TTYH3: variants seen among roughly 807,000 people sequenced by gnomAD.
TTYH3 encodes tweety family member 3.
A neutral mutation model predicts 68.2 loss-of-function variants in TTYH3; 23 were observed. That is an observed-to-expected ratio of 0.34 (90% confidence interval 0.24 to 0.48). The LOEUF is 0.48. TTYH3 is among the 20% of genes least tolerant of loss of function. The probability of loss-of-function intolerance (pLI) is 0.99; values close to 1 mark genes in which losing one functional copy is unlikely to be tolerated. For missense variants in TTYH3, 768 were observed against 727.7 expected (o/e 1.06, Z -0.64); for synonymous variants, 360 against 332.8 (o/e 1.08, Z -0.89).
chr7:2,660,104 C>T lies in TTYH3; in HGVS notation c.1500+1089C>T. ...GCCTGCGCCTCCCGCCTCCACCCTG[C>T]ACTCACTGCCGCCCTCCCGTCGGCA... is the stretch of plus-strand genomic sequence containing the variant. On this transcript the variant is annotated intron_variant, in intron 13 of 13. Coordinates refer to ENST00000258796, the MANE Select transcript of TTYH3 (RefSeq NM_025250.3). 3.2e-6 allele frequency: 4 copies of T among 1,256,576 alleles called. No individual in the cohort carries two copies. In the South Asian group the frequency reaches 4.0e-5, roughly 13 times the overall value. 77.8% of individuals were successfully genotyped at this position (1,256,576 alleles called of 1,614,324 possible).
chr7:2,643,802 C>T (rs1049266746), intron 1 of TTYH3, among the ~76,000 whole-genome samples: 14 of 118,850 alleles, frequency 1.2e-4, no homozygotes, highest in South Asian at 2.5e-4. Context: ...CCGGTGGCTG[C>T]GGAGGTCACA....
chr7:2,656,093 AC>A lies in TTYH3; in HGVS notation c.1027del (p.Leu343SerfsTer8). The A allele has an allele frequency of 1.3e-6, 2 of 1,546,302 alleles. No homozygotes were observed. Among genetic ancestry groups the A allele is most frequent in the Non-Finnish European group, 1.8e-6 (2 of 1,142,068 alleles). ...CCATCTGCGGTGCGTGCCCCCCAGG[AC>A]CCCCTCCTCCGCGTCCAGGAGGTGC... Reference protein sequence around the residue: ...TVPWEQPATKDPLLRVQEVLN... With the variant: ...TVPWEQPATKXPLLRVQEVLN... On this transcript the variant is annotated frameshift_variant and splice_region_variant, in exon 10 of 14. Transcript: ENST00000258796. LOFTEE classifies it high-confidence loss of function.
Position 2,663,369 on chromosome 7 carries a change from C to A in TTYH3, c.*1630C>A, listed in dbSNP as rs1786542866. On this transcript the variant is annotated 3_prime_UTR_variant, in exon 14 of 14. Coordinates refer to ENST00000258796, the MANE Select transcript of TTYH3 (RefSeq NM_025250.3). ...TGGGGCCAGGCTCTGCCCTGGCCTTCCTCTGTGAACCCCTCCTTTCTTTGT... is the reference window on the plus strand; with the variant it reads ...TGGGGCCAGGCTCTGCCCTGGCCTTACTCTGTGAACCCCTCCTTTCTTTGT... The A allele has an allele frequency of 6.5e-6, 1 of 152,836 alleles. No homozygotes were observed. 9.5% of individuals were successfully genotyped at this position (152,836 alleles called of 1,614,324 possible). A position where few individuals can be genotyped will look rare whatever the true frequency, so the allele number is the denominator to read the frequency against.
At chr7:2,659,931 C>A in intron 13 of TTYH3, 1 of 1,302,162 alleles carries the variant, frequency 7.7e-7, no homozygotes, top group South Asian at 1.2e-5. Flanking sequence ...CCACCCCGGG[C>A]CCTCCTAGCG....
chr7:2,649,507 A>T lies in TTYH3; in HGVS notation c.723-60A>T, dbSNP rs1189503978. The T allele has an allele frequency of 5.3e-6, 8 of 1,501,632 alleles. No individual in the cohort carries two copies. In the Admixed American group the frequency reaches 1.6e-4, roughly 29 times the overall value. 93.0% of individuals were successfully genotyped at this position (1,501,632 alleles called of 1,614,324 possible). A position where few individuals can be genotyped will look rare whatever the true frequency, so the allele number is the denominator to read the frequency against. On this transcript the variant is annotated intron_variant, in intron 5 of 13. Coordinates refer to ENST00000258796, the MANE Select transcript of TTYH3 (RefSeq NM_025250.3). ...GGACCTGCCTTCTGGCCTGCAGCCCAGCAGGTGGCACGGCCCCCACCCTGG... is the reference window on the plus strand; with the variant it reads ...GGACCTGCCTTCTGGCCTGCAGCCCTGCAGGTGGCACGGCCCCCACCCTGG...
At position 2,664,418 on chromosome 7, in the gene TTYH3, G is replaced by C. The variant is rs1339224480; in HGVS notation, c.*2679G>C. 6.6e-6 allele frequency: 1 copy of C among 152,398 alleles called. No individual in the cohort carries two copies. The highest frequency in any genetic ancestry group is 6.5e-5 in the Admixed American group (1 of 15,280). The allele number at this position is 152,398 out of a possible 1,614,324, so 9.4% of individuals were successfully genotyped here. A position where few individuals can be genotyped will look rare whatever the true frequency, so the allele number is the denominator to read the frequency against. On this transcript the variant is annotated 3_prime_UTR_variant, in exon 14 of 14. Transcript: ENST00000258796. Reference sequence around the variant, plus strand: ...CCAGGGCCTCTCCTGTGGGATCTTTGTTTTGTGTTTAACCATAATGGTTGT... The same window carrying C: ...CCAGGGCCTCTCCTGTGGGATCTTTCTTTTGTGTTTAACCATAATGGTTGT...
chr7:2,660,037 A>G, intron 13 of TTYH3: 1 of 1,244,516 alleles, frequency 8.0e-7, no homozygotes, highest in Non-Finnish European at 1.0e-6. Context: ...CCTCAGAGCG[A>G]CAGGTACTGA....
At position 2,658,883 on chromosome 7, in the gene TTYH3, G is replaced by A. The variant is rs2114998853; in HGVS notation, c.1425-57G>A. ...GGCCTACCCATGGGCCCCCCGACCT[G>A]CAGCTGGGACTGCATGGCCAGCAGG... On this transcript the variant is annotated intron_variant, in intron 12 of 13. Coordinates refer to ENST00000258796, the MANE Select transcript of TTYH3 (RefSeq NM_025250.3). 4 of 1,569,154 alleles carry A rather than the reference G, an allele frequency of 2.5e-6. No individual in the cohort carries two copies. The East Asian group carries it at 9.0e-5, about 35-fold the overall frequency.
rs1786202993 is a variant in TTYH3, at chr7:2,652,258, G to C, written c.927+16G>C. The C allele has an allele frequency of 1.2e-6, 2 of 1,609,586 alleles. No homozygotes were observed. Among genetic ancestry groups the C allele is most frequent in the South Asian group, 1.1e-5 (1 of 91,026 alleles). On this transcript the variant is annotated intron_variant, in intron 8 of 13. Coordinates refer to ENST00000258796, the MANE Select transcript of TTYH3 (RefSeq NM_025250.3). ...CTTCCAGCAGGTGAGAGCCTGGGAG[G>C]CCGGGACTGGGCTTCAGGAGAGTCT...
chr7:2,636,151 G>A (rs958910216), intron 1 of TTYH3, among the ~76,000 whole-genome samples: 3 of 152,220 alleles, frequency 2.0e-5, no homozygotes, highest in Non-Finnish European at 4.4e-5. Flanking sequence ...ACCTCTGTCT[G>A]TGCCGCCACA....
Position 2,658,155 on chromosome 7 carries a change from T to C in TTYH3, c.1251-131T>C, listed in dbSNP as rs1251693541. 4.3e-6 allele frequency: 4 copies of C among 934,736 alleles called. No individual in the cohort carries two copies. In the Admixed American group the frequency reaches 8.8e-5, roughly 21 times the overall value. The allele number at this position is 934,736 out of a possible 1,614,324, so 57.9% of individuals were successfully genotyped here. A position where few individuals can be genotyped will look rare whatever the true frequency, so the allele number is the denominator to read the frequency against. On this transcript the variant is annotated intron_variant, in intron 11 of 13. Coordinates refer to ENST00000258796, the MANE Select transcript of TTYH3 (RefSeq NM_025250.3). The stretch of plus-strand genomic sequence containing the variant: ...CAGGTGACCTGCCCACAGTCCCACA[T>C]GGAGTGTGCACACGGCCGAGCCAGA...
chr7:2,647,295 T>G lies in TTYH3; in HGVS notation c.405+42T>G, dbSNP rs1483159644. 1.9e-6 allele frequency: 3 copies of G among 1,538,564 alleles called. No homozygotes were observed. The South Asian group carries it at 3.6e-5, about 18-fold the overall frequency. Reference sequence around the variant, plus strand: ...TTGGGGCCAGGAGCACTCTTGCTGCTCCGGAGCCCCACGTCTGCGCGAGGA... The same window carrying G: ...TTGGGGCCAGGAGCACTCTTGCTGCGCCGGAGCCCCACGTCTGCGCGAGGA... On this transcript the variant is annotated intron_variant, in intron 3 of 13. Coordinates refer to ENST00000258796, the MANE Select transcript of TTYH3 (RefSeq NM_025250.3).
chr7:2,656,307 GT>G (rs1786332453), intron 10 of TTYH3, 90 bp from the exon 11 acceptor site: 1 of 1,571,008 alleles, frequency 6.4e-7, no homozygotes, highest in Admixed American at 1.7e-5. Context: ...CTGGGGGGCG[GT>G]CCAGGCCGCC....
intron 1 of TTYH3, among the ~76,000 whole-genome samples, chr7:2,643,758 G>A (rs918546229): frequency 6.6e-6 from 1 of 152,200 alleles, no homozygotes; most frequent in Non-Finnish European, 1.5e-5. Flanking sequence ...TTTGATGTAC[G>A]CTGATGCCCC....
rs994477383 is a variant in TTYH3, at chr7:2,662,233, G to A, written c.*494G>A. On this transcript the variant is annotated 3_prime_UTR_variant, in exon 14 of 14. Transcript: ENST00000258796. ...CTCATCTCTGCCCTGAGGTCACCCC[G>A]TGGTCCCTCCACGTGCCCATCTCTC... 3.1e-5 allele frequency: 7 copies of A among 223,364 alleles called. No individual in the cohort carries two copies. The East Asian group carries it at 4.2e-4, about 13-fold the overall frequency. The allele number at this position is 223,364 out of a possible 1,614,324, so 13.8% of individuals were successfully genotyped here.
In TTYH3 at chr7:2,650,408, T is replaced by C. The variant is rs1378941745; in HGVS notation, c.871+420T>C. ...GTCTGGCCAACATAGCAAAACCCTG[T>C]CTCTACTAAAAATACACAAATGAGC... On this transcript the variant is annotated intron_variant, in intron 7 of 13. Transcript: ENST00000258796. 2.6e-5 allele frequency among the ~76,000 whole-genome samples: 4 copies of C among 152,136 alleles called. 1 individual carries two copies. The East Asian group carries it at 5.8e-4, about 22-fold the overall frequency.
At chr7:2,654,245 A>G (rs1346469278) in intron 9 of TTYH3, among the ~76,000 whole-genome samples, 2 of 151,898 alleles carry the variant, frequency 1.3e-5, no homozygotes, top group Non-Finnish European at 2.9e-5. Context: ...AAATACAAAA[A>G]CTAGCTAGGT....
In TTYH3 at chr7:2,658,309, A is replaced by C. The variant is rs1190547266; in HGVS notation, c.1274A>C (p.Glu425Ala). Reference sequence around the variant, plus strand: ...AGAGGCCCTGATGAGGACGGGGAGGAGGAGGCCGCTCCAGGGCCGCGGCAG... The same window carrying C: ...AGAGGCCCTGATGAGGACGGGGAGGCGGAGGCCGCTCCAGGGCCGCGGCAG... ...QKRGPDEDGEEEAAPGPRQAH... is the reference protein window; with the variant it reads ...QKRGPDEDGEAEAAPGPRQAH... Residue 425 changes from glutamate (E) to alanine (A), a missense_variant, in exon 12 of 14, where the codon GAG (glutamate) becomes GCG (alanine). Glu to Ala is a moderately radical substitution (Grantham distance 107, BLOSUM62 -1). Transcript: ENST00000258796. 6.3e-7 allele frequency: 1 copy of C among 1,594,568 alleles called. No homozygotes were observed.
chr7:2,638,384 G>A (rs1042803228), intron 1 of TTYH3, among the ~76,000 whole-genome samples: 16 of 152,134 alleles, frequency 1.1e-4, no homozygotes, highest in Non-Finnish European at 1.6e-4. Context: ...CAGCGGGAGA[G>A]CTGGGGTCCC....
Sources: allele counts gnomAD v4.1 joint callset (sites outside exome capture counted in the v4.1 genomes callset), GRCh38; gene constraint gnomAD v4.1.1; transcripts MANE v1.5; gene names NCBI Gene and HGNC (gene_info 2026-07-23, HGNC 2026-07-21).